Variants in VPS13D observed in about 807,000 individuals in gnomAD.
VPS13D encodes the protein intermembrane lipid transfer protein VPS13D.
Under a neutral mutation model 461.9 loss-of-function variants are expected in VPS13D, and 187 were observed. That is an observed-to-expected ratio of 0.40 (90% confidence interval 0.36 to 0.46). VPS13D has a LOEUF of 0.46. Among genes scored for constraint, VPS13D ranks in the 20% least tolerant of loss-of-function variants. The pLI, the probability that VPS13D is intolerant of heterozygous loss-of-function variation, is 0.60. For missense variants in VPS13D, 4,711 were observed against 5,364.9 expected, an observed-to-expected ratio of 0.88 and a Z score of 3.81; for synonymous variants, 1,951 against 1,986.3, an observed-to-expected ratio of 0.98 and a Z score of 0.47.
chr1:12,479,491 C>T (rs948657703), intron 67 of VPS13D, among the ~76,000 whole-genome samples: 1 of 152,214 alleles, frequency 6.6e-6, no homozygotes, highest in Admixed American at 6.5e-5. Context: ...GTATCGCTGT[C>T]ATTAGTATTC....
rs1570158175 is a variant in VPS13D, at chr1:12,431,680, G to A, written c.12333+14853G>A. Among the ~76,000 whole-genome samples, 4 of 152,144 alleles carry A rather than the reference G, an allele frequency of 2.6e-5. No individual in the cohort carries two copies. In the East Asian group the frequency reaches 7.7e-4, roughly 29 times the overall value. On this transcript the variant is annotated intron_variant, in intron 65 of 69. Transcript: ENST00000620676. ...ATCTTTAACCCTAAGCACTTAGCCT[G>A]TGATCTAGGAAGCCCTCAAGGGTTT...
rs541973632 is a variant in VPS13D, at chr1:12,245,884, C to G, written c.447+1267C>G. Among the ~76,000 whole-genome samples the G allele has an allele frequency of 2.0e-5, 3 of 152,336 alleles. No homozygotes were observed. In the East Asian group the frequency reaches 5.8e-4, roughly 29 times the overall value. ...GTAATATATAGCCTGGCCATTTTCACTTGACATAATGTTTTCAAGGGTCAT... is the reference window on the plus strand; with the variant it reads ...GTAATATATAGCCTGGCCATTTTCAGTTGACATAATGTTTTCAAGGGTCAT... On this transcript the variant is annotated intron_variant, in intron 5 of 69. Transcript: ENST00000620676.
At chr1:12,266,624 C>T (rs1329043090) in intron 13 of VPS13D, among the ~76,000 whole-genome samples, 1 of 152,220 alleles carries the variant, frequency 6.6e-6, no homozygotes, top group Non-Finnish European at 1.5e-5. Flanking sequence ...CATCACTTTT[C>T]TATGCACTGG....
At chr1:12,378,373 T>C in intron 55 of VPS13D, 55 bp from the exon 56 acceptor site, 1 of 1,485,396 alleles carries the variant, frequency 6.7e-7, no homozygotes, top group Non-Finnish European at 9.0e-7. Context: ...AGTGAGGAGC[T>C]AGCTGTGGCT....
At position 12,445,692 on chromosome 1, in the gene VPS13D, T is replaced by G. The variant is rs114465744; in HGVS notation, c.12334-10306T>G. On this transcript the variant is annotated intron_variant, in intron 65 of 69. Transcript: ENST00000620676. Reference sequence around the variant, plus strand: ...AAGTTTATTCCTATTTTAGCCCATCTGAAAAAAAATGGGAACATTTGAGTT... The same window carrying G: ...AAGTTTATTCCTATTTTAGCCCATCGGAAAAAAAATGGGAACATTTGAGTT... 2.0e-3 allele frequency among the ~76,000 whole-genome samples: 305 copies of G among 152,290 alleles called. 1 individual carries two copies. Among genetic ancestry groups the G allele is most frequent in the African/African-American group, 6.4e-3 (268 of 41,566 alleles).
chr1:12,385,223 G>A (rs1644335331), intron 58 of VPS13D, 37 bp from the exon 59 acceptor site: 1 of 1,541,318 alleles, frequency 6.5e-7, no homozygotes. Flanking sequence ...ATAAGGAAGA[G>A]TGAATCATCT....
intron 16 of VPS13D, among the ~76,000 whole-genome samples, chr1:12,269,140 GT>G (rs746829658): frequency 2.6e-5 from 4 of 151,408 alleles, no homozygotes; most frequent in East Asian, 1.9e-4. Flanking sequence ...TTTCATTTCT[GT>G]TTTTTTTCCC....
At chr1:12,390,596 A>G (rs948385587) in intron 60 of VPS13D, among the ~76,000 whole-genome samples, 6 of 152,212 alleles carry the variant, frequency 3.9e-5, no homozygotes, top group African/African-American at 1.2e-4. Flanking sequence ...ATCTGGAGTA[A>G]GCGTCTATTC....
In VPS13D at chr1:12,283,529, C is replaced by G; in HGVS notation, c.5427C>G (p.Ser1809Arg). The change falls in exon 21 of 70, where the codon AGC becomes AGG. Residue 1809 changes from serine (S) to arginine (R), a missense_variant. By Grantham distance (110) the Ser-to-Arg change is moderately radical. Coordinates refer to ENST00000620676, the MANE Select transcript of VPS13D (RefSeq NM_015378.4). ...CCAGTTACAATCGAGTTAACCGGAG[C>G]ATTGATGTTGATTTTAATTGCTTGG... is the stretch of plus-strand genomic sequence containing the variant. The part of the protein sequence containing the change: ...FSSSYNRVNR[S>R]IDVDFNCLDV... 1 of 1,614,202 alleles carries G rather than the reference C, an allele frequency of 6.2e-7. No homozygotes were observed.
chr1:12,327,593 G>A, intron 35 of VPS13D, 55 bp from the exon 36 acceptor site: 1 of 1,576,170 alleles, frequency 6.3e-7, no homozygotes, highest in Non-Finnish European at 8.7e-7. Context: ...CTCTGTGAGT[G>A]GCTAGGGTAG....
chr1:12,378,391 A>C, intron 55 of VPS13D, 37 bp from the exon 56 acceptor site: 1 of 1,531,434 alleles, frequency 6.5e-7, no homozygotes, highest in Non-Finnish European at 8.8e-7. Context: ...GCTGCCCATA[A>C]TGGCTCTTTC....
intron 50 of VPS13D, among the ~76,000 whole-genome samples, chr1:12,359,768 CTTAAAGTT>C (rs1180345267): frequency 6.6e-6 from 1 of 152,162 alleles, no homozygotes; most frequent in Non-Finnish European, 1.5e-5. Flanking sequence ...GAACTGTCTT[CTTAAAGTT>C]GACATTAAGA....
At chr1:12,361,745 T>C (rs771503552) in intron 50 of VPS13D, among the ~76,000 whole-genome samples, 1 of 152,170 alleles carries the variant, frequency 6.6e-6, no homozygotes, top group Non-Finnish European at 1.5e-5. Context: ...GATATTTCAG[T>C]GCTTTTCTAT....
In VPS13D at chr1:12,415,247, G is replaced by C. The variant is rs773434676; in HGVS notation, c.12165+26G>C. On this transcript the variant is annotated intron_variant, in intron 64 of 69. Transcript: ENST00000620676. ...GTGAGGCTTGGAGAAGTAATCATTG[G>C]CTGGAGCATAAGCAGAATGTTTGTT... 8 of 1,613,558 alleles carry C rather than the reference G, an allele frequency of 5.0e-6. No homozygotes were observed. In the Admixed American group the frequency reaches 1.3e-4, roughly 27 times the overall value.
At chr1:12,481,372 C>A (rs113102027) in intron 67 of VPS13D, among the ~76,000 whole-genome samples, 1 of 152,112 alleles carries the variant, frequency 6.6e-6, no homozygotes, top group African/African-American at 2.4e-5. Flanking sequence ...CCTGAAAGGG[C>A]CTAGCCTCTT....
Position 12,368,345 on chromosome 1 carries a change from G to GT in VPS13D, c.10449-122dup, listed in dbSNP as rs1195833760. 5.6e-5 allele frequency: 65 copies of GT among 1,165,732 alleles called. No individual in the cohort carries two copies. In the Middle Eastern group the frequency reaches 9.0e-4, roughly 16 times the overall value. The allele number at this position is 1,165,732 out of a possible 1,614,324, so 72.2% of individuals were successfully genotyped here. A position where few individuals can be genotyped will look rare whatever the true frequency, so the allele number is the denominator to read the frequency against. Reference sequence around the variant, plus strand: ...ATGATGGAGGAACACACAGTGGGCTGTAAGTTCAGTGGTATTGACTGAGGC... The same window carrying GT: ...ATGATGGAGGAACACACAGTGGGCTGTTAAGTTCAGTGGTATTGACTGAGGC... On this transcript the variant is annotated intron_variant, in intron 52 of 69. Coordinates refer to ENST00000620676, the MANE Select transcript of VPS13D (RefSeq NM_015378.4).
In VPS13D at chr1:12,407,876, G is replaced by A. The variant is rs80261328; in HGVS notation, c.12030+3903G>A. On this transcript the variant is annotated intron_variant, in intron 63 of 69. Coordinates refer to ENST00000620676, the MANE Select transcript of VPS13D (RefSeq NM_015378.4). ...ATTTGGTTGCAAGGACAAAGTTGGG[G>A]TATAAAAGCTTTTTACCTTAAGCCT... Among the ~76,000 whole-genome samples, 676 of 152,020 alleles carry A rather than the reference G, an allele frequency of 4.4e-3. 3 individuals carry two copies. Among genetic ancestry groups the A allele is most frequent in the African/African-American group, 0.015 (642 of 41,546 alleles).
chr1:12,482,195 G>A (rs1362956907), intron 67 of VPS13D, among the ~76,000 whole-genome samples: 1 of 152,176 alleles, frequency 6.6e-6, no homozygotes, highest in Non-Finnish European at 1.5e-5. Flanking sequence ...ACAGGGCTTT[G>A]CCTCCCAATC....
At chr1:12,375,033 C>T (rs1378883606) in intron 55 of VPS13D, among the ~76,000 whole-genome samples, 2 of 152,202 alleles carry the variant, frequency 1.3e-5, no homozygotes, top group South Asian at 2.1e-4. Context: ...CCACCATGCC[C>T]GGCCAGTATT....
Sources: gnomAD v4.1 joint callset for allele counts (sites outside exome capture counted in the v4.1 genomes callset) on GRCh38, gnomAD v4.1.1 for gene constraint, MANE v1.5 for transcripts, NCBI Gene and HGNC (gene_info 2026-07-23, HGNC 2026-07-21) for gene names.